ANKRD36: variants seen among roughly 807,000 people sequenced by gnomAD.
ANKRD36 encodes the protein ankyrin repeat domain-containing protein 36A.
Under a neutral mutation model 278.1 loss-of-function variants are expected in ANKRD36, and 179 were observed. That is an observed-to-expected ratio of 0.64 (90% CI 0.57 to 0.73). The LOEUF (loss-of-function observed/expected upper bound fraction) is 0.73. ANKRD36 is among the 30% of genes least tolerant of loss of function. The probability of loss-of-function intolerance (pLI) is 0.00; values close to 1 mark genes in which losing one functional copy is unlikely to be tolerated. For synonymous variants in ANKRD36, 320 were observed against 641.1 expected (o/e 0.50, Z 7.57); for missense variants, 1,159 against 1,956.7 (o/e 0.59, Z 7.69).
intron 6 of ANKRD36, among the ~76,000 whole-genome samples, chr2:97,138,540 C>A (rs2042096753): frequency 6.6e-6 from 1 of 151,978 alleles, no homozygotes; most frequent in South Asian, 2.1e-4. Flanking sequence ...GTGCTATACC[C>A]ATCAAACTAT....
rs376562038 is a variant in ANKRD36, at chr2:97,235,168, C to T, written c.4093+1297C>T. Among the ~76,000 whole-genome samples, 220 of 148,846 alleles carry T rather than the reference C, an allele frequency of 1.5e-3. 1 individual carries two copies. The highest frequency in any genetic ancestry group is 5.0e-3 in the African/African-American group (194 of 38,686). Reference sequence around the variant, plus strand: ...TCTTCCATTTAAATCTGTGCTCCATCTTGAGTTTCCTTTTGTCTATGGAGT... The same window carrying T: ...TCTTCCATTTAAATCTGTGCTCCATTTTGAGTTTCCTTTTGTCTATGGAGT... On this transcript the variant is annotated intron_variant, in intron 68 of 75. Transcript: ENST00000420699.
intron 41 of ANKRD36, 31 bp from the exon 42 acceptor site, chr2:97,196,685 T>A: frequency 6.3e-7 from 1 of 1,582,860 alleles, no homozygotes; most frequent in Non-Finnish European, 8.6e-7. Flanking sequence ...ATACTTTATT[T>A]ATTTATTATT....
At chr2:97,178,734 T>C (rs1310608682) in intron 22 of ANKRD36, among the ~76,000 whole-genome samples, 4 of 149,302 alleles carry the variant, frequency 2.7e-5, no homozygotes, top group South Asian at 2.2e-4. Context: ...TGCTAGATGA[T>C]GAGATAGTGG....
At chr2:97,139,014 C>T (rs898312996) in intron 6 of ANKRD36, among the ~76,000 whole-genome samples, 3 of 152,042 alleles carry the variant, frequency 2.0e-5, no homozygotes, top group African/African-American at 7.2e-5. Context: ...AGGACATAGG[C>T]ATGGGCAAAT....
chr2:97,220,729 C>CTTTTTTTTTTTTTTTTTTTTTTTTTT, intron 66 of ANKRD36, among the ~76,000 whole-genome samples: 2 of 66,514 alleles, frequency 3.0e-5, no homozygotes, highest in African/African-American at 6.3e-5. Context: ...GATTTTCTTG[C>CTTTTTTTTTTTTTTTTTTTTTTTTTT]TTTTTTTTTT....
chr2:97,150,864 ATTTTAT>A (rs2045745546), intron 12 of ANKRD36, among the ~76,000 whole-genome samples: 1 of 106,370 alleles, frequency 9.4e-6, no homozygotes. Context: ...AGTTGCTGGA[ATTTTAT>A]TGTTTTTTTT....
At position 97,176,939 on chromosome 2, in the gene ANKRD36, G is replaced by A. The variant is rs2054442759; in HGVS notation, c.1634-2799G>A. ...ATATCTAGAAAACCCTATTGTCTCA[G>A]CCCAAAATCTCCTTAAGCTGATAAG... On this transcript the variant is annotated intron_variant, in intron 22 of 75. Coordinates refer to ENST00000420699, the MANE Select transcript of ANKRD36 (RefSeq NM_001354587.1). Among the ~76,000 whole-genome samples, 4 of 151,784 alleles carry A rather than the reference G, an allele frequency of 2.6e-5. No individual in the cohort carries two copies. The South Asian group carries it at 8.4e-4, about 32-fold the overall frequency.
intron 50 of ANKRD36, among the ~76,000 whole-genome samples, chr2:97,205,255 G>C (rs1451863235): frequency 6.6e-6 from 1 of 151,548 alleles, no homozygotes; most frequent in Admixed American, 6.6e-5. Flanking sequence ...TATTTTTATT[G>C]AGGCTAATAT....
chr2:97,210,318 A>C (rs188593725), intron 56 of ANKRD36, among the ~76,000 whole-genome samples: 25 of 151,910 alleles, frequency 1.6e-4, no homozygotes, highest in African/African-American at 3.4e-4. Context: ...CTATTTTCCT[A>C]AGGAAGACGG....
intron 22 of ANKRD36, among the ~76,000 whole-genome samples, chr2:97,172,094 G>A (rs2052731720): frequency 1.3e-5 from 2 of 151,772 alleles, no homozygotes; most frequent in Admixed American, 1.3e-4. Flanking sequence ...TAATACTGAA[G>A]CTTACTGCTG....
At position 97,157,331 on chromosome 2, in the gene ANKRD36, G is replaced by T. The variant is rs572853917; in HGVS notation, c.1261-776G>T. Reference sequence around the variant, plus strand: ...TTATGAACACAAGCTTTTCTTTTAAGCTCATATTTGATTGACTGGTCATGT... The same window carrying T: ...TTATGAACACAAGCTTTTCTTTTAATCTCATATTTGATTGACTGGTCATGT... On this transcript the variant is annotated intron_variant, in intron 15 of 75. Coordinates refer to ENST00000420699, the MANE Select transcript of ANKRD36 (RefSeq NM_001354587.1). 3.4e-3 allele frequency among the ~76,000 whole-genome samples: 521 copies of T among 151,292 alleles called. 7 individuals are homozygous for T. The highest frequency in any genetic ancestry group is 0.02 in the Middle Eastern group (6 of 294).
At chr2:97,211,970 T>C (rs1330687442) in intron 58 of ANKRD36, among the ~76,000 whole-genome samples, 1 of 151,886 alleles carries the variant, frequency 6.6e-6, no homozygotes, top group Admixed American at 6.6e-5. Context: ...AAAAGAACCA[T>C]CTGACAGCAA....
chr2:97,177,885 C>A (rs953770191), intron 22 of ANKRD36, among the ~76,000 whole-genome samples: 4 of 151,618 alleles, frequency 2.6e-5, no homozygotes, highest in Non-Finnish European at 2.9e-5. Flanking sequence ...TCAGAGTGAA[C>A]AGGCAACCTA....
chr2:97,121,593 C>T (rs2036853018), intron 3 of ANKRD36, among the ~76,000 whole-genome samples: 1 of 152,028 alleles, frequency 6.6e-6, no homozygotes, highest in Non-Finnish European at 1.5e-5. Context: ...TTGCAGTGAG[C>T]CAAGATGGCA....
Position 97,152,542 on chromosome 2 carries a change from T to C in ANKRD36, c.1193+8T>C, listed in dbSNP as rs547825488. ...TGAAGAGGCTGTTGACAGGTATGAT[T>C]TCAGAGATTTTTTAAAGTGATATGT... On this transcript the variant is annotated splice_region_variant and intron_variant, in intron 14 of 75. Transcript: ENST00000420699. The C allele has an allele frequency of 1.7e-3, 2,478 of 1,473,942 alleles. 242 individuals are homozygous for C. The highest frequency in any genetic ancestry group is 2.1e-3 in the Non-Finnish European group (2,261 of 1,095,828). 91.3% of individuals were successfully genotyped at this position (1,473,942 alleles called of 1,614,324 possible).
In ANKRD36 at chr2:97,185,493, G is replaced by C. The variant is rs76602587; in HGVS notation, c.2024G>C (p.Gly675Ala). ...ALNIATEIKD[G>A]LQCGTVSSQK... ...AATATAGCTACAGAAATAAAGGATG[G>C]ACTACAGTGTGGGACAGGTAATTTT... The change falls in exon 30 of 76, where the codon GGA becomes GCA. Residue 675 changes from glycine to alanine, a missense_variant. Physicochemically the swap from Gly to Ala is moderately conservative, Grantham distance 60. Coordinates refer to ENST00000420699, the MANE Select transcript of ANKRD36 (RefSeq NM_001354587.1). 2.2e-5 allele frequency: 36 copies of C among 1,610,786 alleles called. No homozygotes were observed. Among genetic ancestry groups the C allele is most frequent in the Non-Finnish European group, 2.9e-5 (34 of 1,178,508 alleles).
intron 30 of ANKRD36, among the ~76,000 whole-genome samples, chr2:97,186,693 G>A (rs1396857407): frequency 1.3e-5 from 2 of 151,864 alleles, no homozygotes; most frequent in Non-Finnish European, 1.5e-5. Flanking sequence ...CTTCACTGAA[G>A]AGACAGAGAC....
chr2:97,157,467 CCT>C (rs2047768178), intron 15 of ANKRD36, among the ~76,000 whole-genome samples: 1 of 121,304 alleles, frequency 8.2e-6, no homozygotes, highest in Admixed American at 8.3e-5. Context: ...TTTCATTTCA[CCT>C]CTGTTTCTGT....
chr2:97,226,572 G>C (rs2069717299), intron 67 of ANKRD36, among the ~76,000 whole-genome samples: 1 of 151,730 alleles, frequency 6.6e-6, no homozygotes, highest in Non-Finnish European at 1.5e-5. Flanking sequence ...CCATGTTGTA[G>C]GTTGCCTGTT....
Sources: allele counts gnomAD v4.1 joint callset (sites outside exome capture counted in the v4.1 genomes callset), GRCh38; gene constraint gnomAD v4.1.1; transcripts MANE v1.5; gene names NCBI Gene and HGNC (gene_info 2026-07-23, HGNC 2026-07-21).